The following TRAPPC12 variants were observed in gnomAD, a reference collection of about 807,000 sequenced individuals.
The protein encoded by TRAPPC12 is TPR repeat protein 15.
Under a neutral mutation model 69.2 loss-of-function variants are expected in TRAPPC12, and 61 were observed. That is an observed-to-expected ratio of 0.88 (90% CI 0.72 to 1.09). TRAPPC12 has a LOEUF of 1.09. TRAPPC12 is among the 50% of genes least tolerant of loss of function. The pLI, the probability that TRAPPC12 is intolerant of heterozygous loss-of-function variation, is 0.00. For missense variants in TRAPPC12, 1,101 were observed against 1,016.4 expected (o/e 1.08, Z -1.13); for synonymous variants, 469 against 438.9 (o/e 1.07, Z -0.86).
intron 5 of TRAPPC12, among the ~76,000 whole-genome samples, chr2:3,425,585 A>G (rs1469804068): frequency 2.0e-5 from 3 of 152,134 alleles, no homozygotes; most frequent in African/African-American, 7.2e-5. Context: ...TCTAGTACCA[A>G]CTGTATTTGC....
chr2:3,460,244 G>A lies in TRAPPC12; in HGVS notation c.1604-19G>A. 1.1e-6 allele frequency: 1 copy of A among 873,130 alleles called. No individual in the cohort carries two copies. The highest frequency in any genetic ancestry group is 2.0e-6 in the Non-Finnish European group (1 of 501,760). The allele number at this position is 873,130 out of a possible 1,614,324, so 54.1% of individuals were successfully genotyped here. A position where few individuals can be genotyped will look rare whatever the true frequency, so the allele number is the denominator to read the frequency against. On this transcript the variant is annotated intron_variant, in intron 7 of 11. Coordinates refer to ENST00000324266, the MANE Select transcript of TRAPPC12 (RefSeq NM_016030.6). Reference sequence around the variant, plus strand: ...CCTCGAATTTATTTGTGCACTTACAGGCTGCTCTTACCTTGTAGCCTCTAT... The same window carrying A: ...CCTCGAATTTATTTGTGCACTTACAAGCTGCTCTTACCTTGTAGCCTCTAT...
rs1251339638 is a variant in TRAPPC12 at position 3,401,799 on chromosome 2, T to C, written c.1070T>C (p.Met357Thr). ...CAGGGAGATGCAGTTAAAGACTTGATGCTTCGCTTTCTGGGTGAAAAAGCT... is the reference window on the plus strand; with the variant it reads ...CAGGGAGATGCAGTTAAAGACTTGACGCTTCGCTTTCTGGGTGAAAAAGCT... Reference protein sequence around the residue: ...NIQGDAVKDLMLRFLGEKAAA... With the variant: ...NIQGDAVKDLTLRFLGEKAAA... The change falls in exon 3 of 12, where the codon ATG becomes ACG. Residue 357 changes from methionine to threonine, a missense_variant. Transcript: ENST00000324266. 9.4e-6 allele frequency: 15 copies of C among 1,595,966 alleles called. No homozygotes were observed. The highest frequency in any genetic ancestry group is 1.2e-5 in the Non-Finnish European group (14 of 1,173,974).
At chr2:3,457,133 A>G in intron 6 of TRAPPC12, 2 of 464,618 alleles carry the variant, frequency 4.3e-6, no homozygotes, top group Admixed American at 4.7e-5. Context: ...AAAAGAACCA[A>G]ATCATGTTGT....
At position 3,401,995 on chromosome 2, in the gene TRAPPC12, G is replaced by C. The variant is rs980297586; in HGVS notation, c.1164+102G>C. 1.1e-5 allele frequency: 9 copies of C among 817,880 alleles called. No homozygotes were observed. The African/African-American group carries it at 1.6e-4, about 14-fold the overall frequency. The allele number at this position is 817,880 out of a possible 1,614,324, so 50.7% of individuals were successfully genotyped here. ...TCAATTATTTTGAATATTATTCAAA[G>C]CTCTTGCACATAAGTAGAATTTTGT... is the stretch of plus-strand genomic sequence containing the variant. On this transcript the variant is annotated intron_variant, in intron 3 of 11. Coordinates refer to ENST00000324266, the MANE Select transcript of TRAPPC12 (RefSeq NM_016030.6).
chr2:3,463,264 C>T (rs981378174), intron 8 of TRAPPC12, among the ~76,000 whole-genome samples: 2 of 152,092 alleles, frequency 1.3e-5, no homozygotes, highest in African/African-American at 2.4e-5. Context: ...GCTGTATTGA[C>T]GATGGGCCCC....
intron 7 of TRAPPC12, chr2:3,458,486 G>A: frequency 2.0e-6 from 2 of 982,986 alleles, no homozygotes; most frequent in South Asian, 4.7e-5. Context: ...CTGGGGAACT[G>A]CTGGCTGGTG....
chr2:3,414,434 C>G lies in TRAPPC12; in HGVS notation c.1165-7447C>G, dbSNP rs1572120827. Among the ~76,000 whole-genome samples the G allele has an allele frequency of 6.6e-6, 1 of 151,912 alleles. No individual in the cohort carries two copies. The highest frequency in any genetic ancestry group is 2.4e-5 in the African/African-American group (1 of 41,338). On this transcript the variant is annotated intron_variant, in intron 3 of 11. Coordinates refer to ENST00000324266, the MANE Select transcript of TRAPPC12 (RefSeq NM_016030.6). This position sits in a 1 kb window ranked among gnomAD's most constrained non-coding sequence, Gnocchi z 4.9. ...AGAATTCATTCTCTCCCTTCAAAGC[C>G]CCCCGGGTTCTTGTCCTCCCCCCTG...
intron 2 of TRAPPC12, among the ~76,000 whole-genome samples, chr2:3,393,108 C>CT (rs202122893): frequency 2.5e-4 from 34 of 138,480 alleles, no homozygotes; most frequent in East Asian, 7.4e-4. Context: ...AGACCTGTCT[C>CT]TTTTTAAAAA....
chr2:3,468,684 G>C (rs1196132753), intron 9 of TRAPPC12, among the ~76,000 whole-genome samples: 3 of 152,176 alleles, frequency 2.0e-5, no homozygotes, highest in African/African-American at 7.2e-5. Flanking sequence ...CCACGGCGGG[G>C]CAGCCACCCC....
chr2:3,429,305 A>G (rs1025146239), intron 5 of TRAPPC12, among the ~76,000 whole-genome samples: 1 of 152,210 alleles, frequency 6.6e-6, no homozygotes, highest in Non-Finnish European at 1.5e-5. Context: ...ATGCAGCTTC[A>G]GGAATTCAGA....
At chr2:3,456,515 C>T (rs552717902) in intron 6 of TRAPPC12, 4 of 152,382 alleles carry the variant, frequency 2.6e-5, no homozygotes, top group East Asian at 1.9e-4. Context: ...GCCAGAAGCA[C>T]GGTGCCCTGT....
chr2:3,468,576 G>A (rs1665926642), intron 9 of TRAPPC12, among the ~76,000 whole-genome samples: 1 of 152,172 alleles, frequency 6.6e-6, no homozygotes, highest in African/African-American at 2.4e-5. Context: ...AGGATGGGTT[G>A]TGTTTGTTCC....
chr2:3,439,899 TC>T (rs1003986079), intron 5 of TRAPPC12, among the ~76,000 whole-genome samples: 4 of 152,014 alleles, frequency 2.6e-5, no homozygotes, highest in African/African-American at 9.7e-5. Context: ...TTTTTTTTTT[TC>T]ATGTGGACGT....
rs186766274 is a variant in TRAPPC12, at chr2:3,403,320, C to T, written c.1164+1427C>T. ...TGATCTCAGCTCACTGCAACCTCCA[C>T]CTCCCGGGTTCAAGTGATTCTCCTG... On this transcript the variant is annotated intron_variant, in intron 3 of 11. Coordinates refer to ENST00000324266, the MANE Select transcript of TRAPPC12 (RefSeq NM_016030.6). 4.0e-3 allele frequency among the ~76,000 whole-genome samples: 606 copies of T among 151,138 alleles called. 3 individuals carry two copies. Among genetic ancestry groups the T allele is most frequent in the African/African-American group, 0.013 (522 of 40,964 alleles).
intron 2 of TRAPPC12, among the ~76,000 whole-genome samples, chr2:3,397,710 G>A (rs1318359322): frequency 6.6e-6 from 1 of 152,182 alleles, no homozygotes; most frequent in Admixed American, 6.5e-5. Flanking sequence ...GGATTATGTA[G>A]GTGGAACTTA....
intron 2 of TRAPPC12, among the ~76,000 whole-genome samples, chr2:3,397,884 A>G (rs147914110): frequency 1.3e-5 from 2 of 152,168 alleles, no homozygotes; most frequent in Non-Finnish European, 2.9e-5. Flanking sequence ...GATGTCCCAA[A>G]CCCTGCTTGG....
Position 3,424,745 on chromosome 2 carries a change from T to C in TRAPPC12, c.1417+82T>C, listed in dbSNP as rs985537549. On this transcript the variant is annotated intron_variant, in intron 5 of 11. Transcript: ENST00000324266. ...TTGATTTATACATAATTTCGTAGCC[T>C]CAGTTTTCCTTATTTATCCAGTCTT... 17 of 1,394,128 alleles carry C rather than the reference T, an allele frequency of 1.2e-5. No individual in the cohort carries two copies. In the African/African-American group the frequency reaches 2.3e-4, roughly 19 times the overall value. 86.4% of individuals were successfully genotyped at this position (1,394,128 alleles called of 1,614,324 possible).
rs570867200 is a variant in TRAPPC12 at position 3,460,396 on chromosome 2, C to A, written c.1677+60C>A. On this transcript the variant is annotated intron_variant, in intron 8 of 11. Transcript: ENST00000324266. Reference sequence around the variant, plus strand: ...CTGGAAGAGCGGGGTCAGTGGGAGCCGCGAGGGAGCCGCTGGTATAATAGA... The same window carrying A: ...CTGGAAGAGCGGGGTCAGTGGGAGCAGCGAGGGAGCCGCTGGTATAATAGA... The A allele has an allele frequency of 3.6e-6, 3 of 825,722 alleles. No homozygotes were observed. The African/African-American group carries it at 5.0e-5, about 14-fold the overall frequency. 51.1% of individuals were successfully genotyped at this position (825,722 alleles called of 1,614,324 possible).
intron 9 of TRAPPC12, chr2:3,472,489 G>A (rs554074158): frequency 1.3e-5 from 2 of 152,368 alleles, no homozygotes; most frequent in East Asian, 3.9e-4. Context: ...GAGCCGTGGA[G>A]TGTGCTGGCT....
Sources: gnomAD v4.1 joint callset for allele counts (sites outside exome capture counted in the v4.1 genomes callset) on GRCh38, gnomAD v4.1.1 for gene constraint, Gnocchi (gnomAD v3.1) non-coding constraint, MANE v1.5 for transcripts, NCBI Gene and HGNC (gene_info 2026-07-23, HGNC 2026-07-21) for gene names.